The following OR51M1 variants were observed in gnomAD, a reference collection of about 807,000 sequenced individuals.
OR51M1 encodes olfactory receptor family 51 subfamily M member 1, also known as olfactory receptor 51M1.
For missense variants in OR51M1, 509 were observed against 404.4 expected (o/e 1.26, Z -2.22); for synonymous variants, 199 against 155.1 (o/e 1.28, Z -2.10).
intron 2 of OR51M1, among the ~76,000 whole-genome samples, chr11:5,386,622 T>C (rs7116471): frequency 0.18 from 27,543 of 151,902 alleles, 2,667 homozygotes; most frequent in African/African-American, 0.26. Flanking sequence ...ATAGAGTTAG[T>C]ACTTTCTGCA....
In OR51M1 at chr11:5,391,468, G is replaced by A. The variant is rs11037197; in HGVS notation, c.*1089G>A. 119,220 of 152,210 alleles carry A rather than the reference G, an allele frequency of 0.78. 47,093 individuals carry two copies. Among genetic ancestry groups the A allele is most frequent in the Middle Eastern group, 0.82 (242 of 294 alleles). 9.4% of individuals were successfully genotyped at this position (152,210 alleles called of 1,614,324 possible). On this transcript the variant is annotated 3_prime_UTR_variant, in exon 3 of 3. Transcript: ENST00000642046. ...TGGAGGAATTAGGCATGTCTTGCTC[G>A]CCAGTAAATGTATATAAATACAATG...
chr11:5,388,805 T>A (rs965593782), intron 2 of OR51M1, among the ~76,000 whole-genome samples: 1 of 152,024 alleles, frequency 6.6e-6, no homozygotes, highest in Non-Finnish European at 1.5e-5. Context: ...TGAATTAGAA[T>A]AGCATCAATG....
At position 5,385,874 on chromosome 11, in the gene OR51M1, G is replaced by A. The variant is rs545908796; in HGVS notation, c.-16+416G>A. On this transcript the variant is annotated intron_variant, in intron 2 of 2. Coordinates refer to ENST00000642046, the MANE Select transcript of OR51M1 (RefSeq NM_001004756.3). ...TGTATATTCTATAAAGTATTTATGA[G>A]TAAATCTATACACTTATATGTTATT... Among the ~76,000 whole-genome samples the A allele has an allele frequency of 2.9e-3, 437 of 148,464 alleles. 1 individual carries two copies. Among genetic ancestry groups the A allele is most frequent in the African/African-American group, 0.01 (413 of 40,720 alleles).
intron 2 of OR51M1, among the ~76,000 whole-genome samples, chr11:5,385,872 G>T (rs1488075590): frequency 6.8e-6 from 1 of 147,622 alleles, no homozygotes; most frequent in South Asian, 2.1e-4. Flanking sequence ...AAGTATTTAT[G>T]AGTAAATCTA....
intron 2 of OR51M1, among the ~76,000 whole-genome samples, chr11:5,386,021 T>C (rs936961983): frequency 6.6e-6 from 1 of 151,512 alleles, no homozygotes; most frequent in African/African-American, 2.4e-5. Flanking sequence ...TAATAGTACA[T>C]TACAGGTACT....
chr11:5,389,334 T>C, intron 2 of OR51M1, 50 bp from the exon 3 acceptor site: 1 of 1,476,156 alleles, frequency 6.8e-7, no homozygotes. Context: ...ATGTTGTGAA[T>C]GTTAGTGAAG....
intron 2 of OR51M1, among the ~76,000 whole-genome samples, chr11:5,387,264 G>A (rs10768902): frequency 0.78 from 118,760 of 151,998 alleles, 46,800 homozygotes; most frequent in Middle Eastern, 0.84. Context: ...CATGGCCAGA[G>A]CACACAACTA....
chr11:5,384,069 G>T (rs1172190181), intron 1 of OR51M1, among the ~76,000 whole-genome samples, 152 bp downstream of exon 1: 1 of 152,138 alleles, frequency 6.6e-6, no homozygotes, highest in East Asian at 1.9e-4. Context: ...TACAATTAAG[G>T]CTTTTCCCCC....
At chr11:5,386,808 T>C (rs1047490297) in intron 2 of OR51M1, among the ~76,000 whole-genome samples, 4 of 150,306 alleles carry the variant, frequency 2.7e-5, no homozygotes, top group African/African-American at 9.8e-5. Context: ...AAAAATTAGA[T>C]ACAGAAAGAG....
At chr11:5,384,100 C>T (rs1269390767) in intron 1 of OR51M1, among the ~76,000 whole-genome samples, 183 bp downstream of exon 1, 1 of 152,150 alleles carries the variant, frequency 6.6e-6, no homozygotes, top group Non-Finnish European at 1.5e-5. Context: ...ATGTCCTTAG[C>T]CAAATGGATT....
Position 5,389,705 on chromosome 11 carries a change from A to C in OR51M1, c.307A>C (p.Ser103Arg). The change falls in exon 3 of 3, where the codon AGT (serine) becomes CGT (arginine). Residue 103 changes from serine to arginine, a missense_variant. By Grantham distance (110) the Ser-to-Arg change is moderately radical. Coordinates refer to ENST00000642046, the MANE Select transcript of OR51M1 (RefSeq NM_001004756.3). ...TMGIFWFNSH[S>R]IYFGACQIQM... ...GGGGATCTTCTGGTTTAACTCCCAT[A>C]GTATCTACTTTGGAGCGTGTCAAAT... 6.2e-7 allele frequency: 1 copy of C among 1,613,756 alleles called. No individual in the cohort carries two copies. The highest frequency in any genetic ancestry group is 8.5e-7 in the Non-Finnish European group (1 of 1,179,828).
rs1040549850 is a variant in OR51M1 at position 5,391,332 on chromosome 11, G to A, written c.*953G>A. The stretch of plus-strand genomic sequence containing the variant: ...ATGGTAAAGCACCAAATGCTCCATC[G>A]GTTTCCTTCCACAGTGCCCTGCATT... On this transcript the variant is annotated 3_prime_UTR_variant, in exon 3 of 3. Transcript: ENST00000642046. The A allele has an allele frequency of 6.6e-6, 1 of 152,130 alleles. No individual in the cohort carries two copies. The highest frequency in any genetic ancestry group is 1.5e-5 in the Non-Finnish European group (1 of 68,040). The allele number at this position is 152,130 out of a possible 1,614,324, so 9.4% of individuals were successfully genotyped here.
At chr11:5,385,307 A>T (rs146901104) in intron 1 of OR51M1, 46 bp from the exon 2 acceptor site, 1 of 152,184 alleles carries the variant, frequency 6.6e-6, no homozygotes, top group Non-Finnish European at 1.5e-5. Context: ...GAGGAAGTAT[A>T]CTTTCCAAGA....
At chr11:5,387,895 G>T (rs1849724159) in intron 2 of OR51M1, among the ~76,000 whole-genome samples, 1 of 147,394 alleles carries the variant, frequency 6.8e-6, no homozygotes. Context: ...ACCTTGCATT[G>T]CAGTATGTAT....
Position 5,392,256 on chromosome 11 carries a change from T to G in OR51M1, c.*1877T>G, listed in dbSNP as rs944746919. The stretch of plus-strand genomic sequence containing the variant: ...CAGCAGTTTCTGCAGCCTTACAGGC[T>G]GGCACTCCTTAAACATAGGTTCCAT... On this transcript the variant is annotated 3_prime_UTR_variant, in exon 3 of 3. Transcript: ENST00000642046. 7.9e-5 allele frequency: 12 copies of G among 152,236 alleles called. No individual in the cohort carries two copies. Among genetic ancestry groups the G allele is most frequent in the African/African-American group, 2.9e-4 (12 of 41,462 alleles). 9.4% of individuals were successfully genotyped at this position (152,236 alleles called of 1,614,324 possible). A position where few individuals can be genotyped will look rare whatever the true frequency, so the allele number is the denominator to read the frequency against.
intron 1 of OR51M1, among the ~76,000 whole-genome samples, chr11:5,384,635 C>G (rs1351018027): frequency 6.6e-6 from 1 of 152,184 alleles, no homozygotes; most frequent in African/African-American, 2.4e-5. Flanking sequence ...CTCTTTCCTG[C>G]CGAGCCATCT....
chr11:5,390,139 C>A lies in OR51M1; in HGVS notation c.741C>A (p.Arg247=), dbSNP rs377650791. Residue 247 remains arginine, a synonymous_variant, in exon 3 of 3, where the codon CGC becomes CGA. Coordinates refer to ENST00000642046, the MANE Select transcript of OR51M1 (RefSeq NM_001004756.3). The part of the protein sequence containing the change: ...VAGLASQEEQ[R]RAFQTCTAPL... ...GCCTGGCCTCCCAAGAGGAGCAGCGCCGTGCCTTTCAGACATGCACCGCTC... is the reference window on the plus strand; with the variant it reads ...GCCTGGCCTCCCAAGAGGAGCAGCGACGTGCCTTTCAGACATGCACCGCTC... 6.2e-7 allele frequency: 1 copy of A among 1,613,748 alleles called. No individual in the cohort carries two copies. The highest frequency in any genetic ancestry group is 1.3e-5 in the African/African-American group (1 of 74,946).
chr11:5,387,609 G>A (rs2173414), intron 2 of OR51M1, among the ~76,000 whole-genome samples: 2 of 152,044 alleles, frequency 1.3e-5, no homozygotes, highest in South Asian at 4.1e-4. Flanking sequence ...ACTTCAAGTG[G>A]ATTTGCCACC....
At chr11:5,386,161 T>A (rs959946616) in intron 2 of OR51M1, among the ~76,000 whole-genome samples, 1 of 151,982 alleles carries the variant, frequency 6.6e-6, no homozygotes, top group African/African-American at 2.4e-5. Context: ...ACAGGGGTGG[T>A]TTTTGCCAAG....
Sources: gnomAD v4.1 joint callset for allele counts (sites outside exome capture counted in the v4.1 genomes callset) on GRCh38, gnomAD v4.1.1 for gene constraint, MANE v1.5 for transcripts, NCBI Gene and HGNC (gene_info 2026-07-23, HGNC 2026-07-21) for gene names.